NRXN1: variants seen among roughly 807,000 people sequenced by gnomAD.
NRXN1 encodes neurexin-1.
Under a neutral mutation model 150.9 loss-of-function variants are expected in NRXN1, and 39 were observed. That is an observed-to-expected ratio of 0.26 (90% confidence interval 0.20 to 0.34). The LOEUF (loss-of-function observed/expected upper bound fraction) is 0.34. Ranked by LOEUF, NRXN1 falls within the 10% of genes least tolerant of loss-of-function variation. The pLI is 1.00. For missense variants in NRXN1, 1,815 were observed against 1,949.9 expected (o/e 0.93, Z 1.30); for synonymous variants, 924 against 757.0 (o/e 1.22, Z -3.62).
intron 19 of NRXN1, among the ~76,000 whole-genome samples, chr2:50,067,527 C>G (rs1036727215): frequency 6.6e-6 from 1 of 152,096 alleles, no homozygotes; most frequent in Non-Finnish European, 1.5e-5. Context: ...AAACCAGCAG[C>G]AAGAAATGAA....
chr2:50,135,177 G>C (rs1318650506), intron 18 of NRXN1, among the ~76,000 whole-genome samples: 1 of 152,134 alleles, frequency 6.6e-6, no homozygotes, highest in Admixed American at 6.5e-5. Flanking sequence ...CAGATTTATT[G>C]ACTCATGTTT....
chr2:49,958,391 G>C (rs1057083186), intron 21 of NRXN1, among the ~76,000 whole-genome samples: 9 of 151,992 alleles, frequency 5.9e-5, no homozygotes, highest in South Asian at 2.1e-4. Flanking sequence ...ATCCTCTCTT[G>C]GATAGCTTTC....
intron 18 of NRXN1, among the ~76,000 whole-genome samples, chr2:50,105,572 C>G (rs1036110816): frequency 6.6e-6 from 1 of 151,966 alleles, no homozygotes; most frequent in African/African-American, 2.4e-5. Context: ...AGATGTGCCT[C>G]AAGCTTCCAA....
intron 19 of NRXN1, among the ~76,000 whole-genome samples, chr2:50,086,582 C>T (rs893222799): frequency 3.3e-5 from 5 of 152,146 alleles, no homozygotes; most frequent in Non-Finnish European, 7.4e-5. Context: ...TAATCAAACT[C>T]GGCATTTTGA....
chr2:50,402,750 C>T (rs2082477195), intron 17 of NRXN1, among the ~76,000 whole-genome samples: 1 of 152,022 alleles, frequency 6.6e-6, no homozygotes, highest in Non-Finnish European at 1.5e-5. Context: ...TCCCAGAGCC[C>T]ATTAGAACTA....
At chr2:50,762,045 A>AG (rs759090793) in intron 5 of NRXN1, among the ~76,000 whole-genome samples, 7 of 151,806 alleles carry the variant, frequency 4.6e-5, no homozygotes, top group Non-Finnish European at 1.0e-4. Context: ...ATCTTGCAGA[A>AG]GGCCTATTGA....
intron 17 of NRXN1, among the ~76,000 whole-genome samples, chr2:50,319,509 C>T (rs1379849130): frequency 2.0e-5 from 3 of 152,070 alleles, no homozygotes; most frequent in East Asian, 1.9e-4. Flanking sequence ...AAGGAAGGTG[C>T]CCTCCTCTCT....
intron 17 of NRXN1, among the ~76,000 whole-genome samples, chr2:50,292,960 C>T (rs1050399558): frequency 3.3e-5 from 5 of 152,004 alleles, no homozygotes; most frequent in Admixed American, 6.6e-5. Flanking sequence ...ATTAGTGAAA[C>T]GAATTGAGCT....
chr2:50,752,514 A>G (rs1479708266), intron 5 of NRXN1, among the ~76,000 whole-genome samples: 1 of 151,942 alleles, frequency 6.6e-6, no homozygotes, highest in African/African-American at 2.4e-5. Context: ...ATCTGGAGAG[A>G]TGAATCGTGA....
In NRXN1 at chr2:50,487,112, A is replaced by T. The variant is rs115288722; in HGVS notation, c.3070+8793T>A. On this transcript the variant is annotated intron_variant, in intron 15 of 22. Transcript: ENST00000401669. ...ACATGGTGATAAGAACAGCAACTTC[A>T]TCAGTTTGTCACAAAAATTAAAGAG... Among the ~76,000 whole-genome samples, 305 of 152,272 alleles carry T rather than the reference A, an allele frequency of 2.0e-3. 2 individuals carry two copies. The highest frequency in any genetic ancestry group is 7.0e-3 in the African/African-American group (289 of 41,546).
chr2:50,120,653 T>C (rs1703727461), intron 18 of NRXN1, among the ~76,000 whole-genome samples: 1 of 152,202 alleles, frequency 6.6e-6, no homozygotes, highest in Admixed American at 6.5e-5. Context: ...AATTAAGTCA[T>C]TGACCTTTAC....
At chr2:50,434,568 A>C (rs1310927791) in intron 17 of NRXN1, among the ~76,000 whole-genome samples, 4 of 152,206 alleles carry the variant, frequency 2.6e-5, no homozygotes, top group Non-Finnish European at 5.9e-5. Flanking sequence ...GTTTCCTACA[A>C]GCTGGACGCC....
At chr2:50,619,965 G>A in intron 8 of NRXN1, 57 bp downstream of exon 8, 1 of 1,432,922 alleles carries the variant, frequency 7.0e-7, no homozygotes, top group Non-Finnish European at 9.3e-7. Context: ...CTTTCATGCT[G>A]GATCTGAAAT....
chr2:50,824,310 G>C (rs943993028), intron 5 of NRXN1, among the ~76,000 whole-genome samples: 10 of 151,824 alleles, frequency 6.6e-5, no homozygotes, highest in African/African-American at 2.2e-4. Context: ...GAGTGTGTGT[G>C]TGTGTGTGTG....
intron 5 of NRXN1, among the ~76,000 whole-genome samples, chr2:50,718,764 C>G (rs858941): frequency 0.91 from 138,466 of 152,126 alleles, 63,231 homozygotes; most frequent in African/African-American, 0.98. Context: ...AAATTTCATA[C>G]TTGAGAGAAC....
At position 50,619,152 on chromosome 2, in the gene NRXN1, T is replaced by C. The variant is rs1573816699; in HGVS notation, c.1320+870A>G. 2.0e-5 allele frequency: 3 copies of C among 152,260 alleles called. 1 individual carries two copies. The highest frequency in any genetic ancestry group is 3.9e-4 in the East Asian group (2 of 5,178). The allele number at this position is 152,260 out of a possible 1,614,324, so 9.4% of individuals were successfully genotyped here. A position where few individuals can be genotyped will look rare whatever the true frequency, so the allele number is the denominator to read the frequency against. ...AGAATAAACCAAGTACATCACTGCT[T>C]ACCAACAGCACCTATGGCTAACAGT... On this transcript the variant is annotated intron_variant, in intron 8 of 22. Coordinates refer to ENST00000401669, the MANE Select transcript of NRXN1 (RefSeq NM_001330078.2).
chr2:50,111,371 G>C (rs1442073033), intron 18 of NRXN1, among the ~76,000 whole-genome samples: 1 of 152,104 alleles, frequency 6.6e-6, no homozygotes, highest in Non-Finnish European at 1.5e-5. Flanking sequence ...CATGCGGCAT[G>C]GTGGTCACTC....
At chr2:50,070,567 G>C (rs1001389043) in intron 19 of NRXN1, among the ~76,000 whole-genome samples, 2 of 151,720 alleles carry the variant, frequency 1.3e-5, no homozygotes, top group African/African-American at 2.4e-5. Context: ...TCAGGAGATC[G>C]AGACCATCCC....
chr2:50,590,538 C>T (rs979785383), intron 8 of NRXN1, among the ~76,000 whole-genome samples: 2 of 152,042 alleles, frequency 1.3e-5, no homozygotes, highest in Non-Finnish European at 2.9e-5. Flanking sequence ...TGTTACAGAC[C>T]TAATATGTGT....
Sources: allele counts gnomAD v4.1 joint callset (sites outside exome capture counted in the v4.1 genomes callset), GRCh38; gene constraint gnomAD v4.1.1; transcripts MANE v1.5; gene names NCBI Gene and HGNC (gene_info 2026-07-23, HGNC 2026-07-21).